Variants in GABRB1 observed in about 807,000 individuals in gnomAD.
GABRB1 encodes gamma-aminobutyric acid receptor subunit beta-1.
In GABRB1, 17 loss-of-function variants were observed where a neutral mutation model predicts 51.6. That is an observed-to-expected ratio of 0.33 (90% CI 0.23 to 0.49). GABRB1 has a LOEUF of 0.49. GABRB1 is among the 20% of genes least tolerant of loss of function. The pLI, the probability that GABRB1 is intolerant of heterozygous loss-of-function variation, is 0.99. For synonymous variants in GABRB1, 247 were observed against 218.9 expected (o/e 1.13, Z -1.14); for missense variants, 410 against 600.6 (o/e 0.68, Z 3.32).
At chr4:47,180,217 C>G (rs1166831227) in intron 4 of GABRB1, among the ~76,000 whole-genome samples, 1 of 151,908 alleles carries the variant, frequency 6.6e-6, no homozygotes, top group Non-Finnish European at 1.5e-5. Flanking sequence ...ATCCCATTCA[C>G]ATAGTGGAAG....
At chr4:47,032,618 G>A (rs769207327) in intron 3 of GABRB1, 134 bp downstream of exon 3, 18 of 808,672 alleles carry the variant, frequency 2.2e-5, no homozygotes, top group African/African-American at 1.2e-4. Flanking sequence ...CCCGCTCCCC[G>A]CTCCGGCACA....
chr4:47,335,477 A>T (rs774565492), intron 5 of GABRB1, among the ~76,000 whole-genome samples: 6 of 152,014 alleles, frequency 3.9e-5, no homozygotes, highest in Non-Finnish European at 8.8e-5. Flanking sequence ...CCATCTGATT[A>T]TTTCCTTCCA....
chr4:47,296,491 A>G (rs2109930596), intron 4 of GABRB1, among the ~76,000 whole-genome samples: 1 of 152,322 alleles, frequency 6.6e-6, no homozygotes, highest in South Asian at 2.1e-4. Context: ...TTAAACCAAC[A>G]AAGATCAAAA....
In GABRB1 at chr4:47,159,533, A is replaced by C. The variant is rs770206068; in HGVS notation, c.241-1716A>C. On this transcript the variant is annotated intron_variant, in intron 3 of 8. Transcript: ENST00000295454. Reference sequence around the variant, plus strand: ...TATTTTTTTTTTTTTACATGAAGGTAAGGTGGAAGGAGGTTTCATATCTTT... The same window carrying C: ...TATTTTTTTTTTTTTACATGAAGGTCAGGTGGAAGGAGGTTTCATATCTTT... Among the ~76,000 whole-genome samples the C allele has an allele frequency of 6.6e-5, 10 of 151,996 alleles. 1 individual carries two copies. In the South Asian group the frequency reaches 1.5e-3, roughly 22 times the overall value.
At chr4:47,274,869 T>C (rs888603430) in intron 4 of GABRB1, among the ~76,000 whole-genome samples, 4 of 152,150 alleles carry the variant, frequency 2.6e-5, no homozygotes, top group Admixed American at 2.0e-4. Flanking sequence ...TAGGGGTCTT[T>C]CCTTGTGGAC....
chr4:47,030,016 T>A (rs1725237334), upstream of GABRB1, among the ~76,000 whole-genome samples: 1 of 152,128 alleles, frequency 6.6e-6, no homozygotes, highest in African/African-American at 2.4e-5. Context: ...ATTTACCCCC[T>A]CATTCTTCTA....
chr4:47,283,347 T>A (rs1294254727), intron 4 of GABRB1, among the ~76,000 whole-genome samples: 1 of 142,628 alleles, frequency 7.0e-6, no homozygotes, highest in Non-Finnish European at 1.5e-5. Flanking sequence ...GTTCCATACC[T>A]GGTGGCCCCT....
intron 5 of GABRB1, among the ~76,000 whole-genome samples, chr4:47,357,719 C>T (rs1231905528): frequency 6.6e-6 from 1 of 152,164 alleles, no homozygotes; most frequent in Non-Finnish European, 1.5e-5. Flanking sequence ...GTTCAGAGAG[C>T]TGCAGTGAGG....
intron 4 of GABRB1, among the ~76,000 whole-genome samples, chr4:47,300,745 T>A (rs796916213): frequency 5.9e-5 from 9 of 152,264 alleles, no homozygotes; most frequent in African/African-American, 2.2e-4. Flanking sequence ...TCAACACTTT[T>A]GCCACAGGTT....
rs187004162 is a variant in GABRB1 at position 47,203,563 on chromosome 4, G to A, written c.461+42094G>A. Among the ~76,000 whole-genome samples, 13 of 152,204 alleles carry A rather than the reference G, an allele frequency of 8.5e-5. No homozygotes were observed. In the East Asian group the frequency reaches 2.5e-3, roughly 29 times the overall value. On this transcript the variant is annotated intron_variant, in intron 4 of 8. Transcript: ENST00000295454. ...AAGTGAAGAGAGGGAGACATAAAGA[G>A]GATAGAAATACCTCTTTCTGCTGTT...
At chr4:47,077,884 TTA>T (rs1367444814) in intron 3 of GABRB1, among the ~76,000 whole-genome samples, 1 of 140,674 alleles carries the variant, frequency 7.1e-6, no homozygotes, top group Non-Finnish European at 1.5e-5. Flanking sequence ...ATATGTATTT[TTA>T]TATATATTAT....
chr4:47,047,992 A>T (rs1726175690), intron 3 of GABRB1, among the ~76,000 whole-genome samples: 1 of 152,168 alleles, frequency 6.6e-6, no homozygotes. Context: ...ACAAAAAAAG[A>T]TAATTATATC....
chr4:47,248,999 C>A (rs1169969261), intron 4 of GABRB1, among the ~76,000 whole-genome samples: 1 of 151,972 alleles, frequency 6.6e-6, no homozygotes, highest in Non-Finnish European at 1.5e-5. Context: ...TTGTTTGTTT[C>A]AATTTCATTT....
chr4:47,420,484 C>A (rs1029463007), intron 8 of GABRB1, among the ~76,000 whole-genome samples: 1 of 152,154 alleles, frequency 6.6e-6, no homozygotes, highest in South Asian at 2.1e-4. Context: ...CTTAGAAATC[C>A]AGTATGTTAA....
At chr4:47,037,639 G>C (rs543818835) in intron 3 of GABRB1, among the ~76,000 whole-genome samples, 2 of 151,880 alleles carry the variant, frequency 1.3e-5, no homozygotes, top group South Asian at 4.2e-4. Context: ...GAAAGCCTGG[G>C]ATTTTAGGAT....
intron 4 of GABRB1, among the ~76,000 whole-genome samples, chr4:47,205,813 G>C (rs1437148768): frequency 6.6e-6 from 1 of 152,090 alleles, no homozygotes; most frequent in African/African-American, 2.4e-5. Context: ...GCACTGAACA[G>C]AACCCATTTT....
intron 5 of GABRB1, among the ~76,000 whole-genome samples, chr4:47,367,382 C>G (rs1264209524): frequency 6.6e-6 from 1 of 152,132 alleles, no homozygotes. Flanking sequence ...AATAGAAATT[C>G]AATAAGTAAT....
At chr4:47,088,140 G>A (rs992494553) in intron 3 of GABRB1, among the ~76,000 whole-genome samples, 5 of 152,098 alleles carry the variant, frequency 3.3e-5, no homozygotes, top group Non-Finnish European at 4.4e-5. Flanking sequence ...AGTAGAAAAC[G>A]CTGTACTTTC....
intron 5 of GABRB1, among the ~76,000 whole-genome samples, chr4:47,387,711 G>A (rs1727847716): frequency 6.6e-6 from 1 of 152,118 alleles, no homozygotes; most frequent in Admixed American, 6.5e-5. Context: ...GGCAGGCATG[G>A]GGGGATCTCA....
Sources: gnomAD v4.1 joint callset for allele counts (sites outside exome capture counted in the v4.1 genomes callset) on GRCh38, gnomAD v4.1.1 for gene constraint, MANE v1.5 for transcripts, NCBI Gene and HGNC (gene_info 2026-07-23, HGNC 2026-07-21) for gene names.